The following MICU1 variants were observed in gnomAD, a reference collection of about 807,000 sequenced individuals.
The protein encoded by MICU1 is calcium uptake protein 1, mitochondrial.
Under a neutral mutation model 56.8 loss-of-function variants are expected in MICU1, and 45 were observed. The observed-to-expected ratio is 0.79, with a 90% CI of 0.62 to 1.02. The LOEUF is 1.02. Ranked by LOEUF, MICU1 falls within the 50% of genes least tolerant of loss-of-function variation. The probability of loss-of-function intolerance (pLI) is 0.00; values close to 1 mark genes in which losing one functional copy is unlikely to be tolerated. For missense variants in MICU1, 504 were observed against 587.1 expected, an observed-to-expected ratio of 0.86 and a Z score of 1.46; for synonymous variants, 186 against 195.1, an observed-to-expected ratio of 0.95 and a Z score of 0.39.
intron 4 of MICU1, among the ~76,000 whole-genome samples, chr10:72,540,267 C>CAAAAA (rs11287541): frequency 3.6e-4 from 31 of 85,284 alleles, no homozygotes; most frequent in East Asian, 6.0e-4. Flanking sequence ...AACTCCATCT[C>CAAAAA]AAAAAAAAAA....
At chr10:72,568,247 T>C (rs1840496114) in intron 1 of MICU1, among the ~76,000 whole-genome samples, 1 of 152,228 alleles carries the variant, frequency 6.6e-6, no homozygotes, top group Admixed American at 6.5e-5. Context: ...TTGTTTTAAA[T>C]CTGAAACATC....
chr10:72,489,970 A>G (rs1301081425), intron 6 of MICU1, among the ~76,000 whole-genome samples: 1 of 152,222 alleles, frequency 6.6e-6, no homozygotes, highest in African/African-American at 2.4e-5. Context: ...CATGAAACCA[A>G]TGATTGGTTC....
chr10:72,598,338 C>T (rs2132541550), intron 1 of MICU1, among the ~76,000 whole-genome samples: 1 of 152,114 alleles, frequency 6.6e-6, no homozygotes, highest in Non-Finnish European at 1.5e-5. Flanking sequence ...TCACTGCAAC[C>T]TCTGCCTCCT....
At chr10:72,601,353 G>A (rs979979693) in intron 1 of MICU1, among the ~76,000 whole-genome samples, 4 of 149,946 alleles carry the variant, frequency 2.7e-5, no homozygotes, top group African/African-American at 7.4e-5. Flanking sequence ...GAGTCCAGGA[G>A]GTCAAGGTTT....
chr10:72,379,544 T>C, intron 10 of MICU1: 4 of 431,394 alleles, frequency 9.3e-6, no homozygotes, highest in South Asian at 6.6e-5. Flanking sequence ...TCTTGATATT[T>C]CAAGTACTCA....
chr10:72,455,275 G>A (rs1001178878), intron 8 of MICU1, among the ~76,000 whole-genome samples: 7 of 150,204 alleles, frequency 4.7e-5, no homozygotes, highest in African/African-American at 1.2e-4. Context: ...GCTTGAACCC[G>A]GGAGGTGGAG....
intron 1 of MICU1, among the ~76,000 whole-genome samples, chr10:72,607,091 A>G (rs1169187415): frequency 6.6e-6 from 1 of 152,118 alleles, no homozygotes; most frequent in African/African-American, 2.4e-5. Flanking sequence ...CTGTAATCCC[A>G]ATAGTTTGGG....
At chr10:72,597,267 G>A (rs1368727448) in intron 1 of MICU1, among the ~76,000 whole-genome samples, 1 of 152,130 alleles carries the variant, frequency 6.6e-6, no homozygotes, top group Non-Finnish European at 1.5e-5. Flanking sequence ...AAAACAGTAC[G>A]AAATAGGTAA....
chr10:72,530,973 C>T (rs529213666), intron 5 of MICU1, among the ~76,000 whole-genome samples: 9 of 152,156 alleles, frequency 5.9e-5, no homozygotes, highest in African/African-American at 1.4e-4. Context: ...TTTAAAACAT[C>T]CCAGGAAAAT....
At chr10:72,416,283 C>T (rs1020607399) in intron 9 of MICU1, among the ~76,000 whole-genome samples, 1 of 152,114 alleles carries the variant, frequency 6.6e-6, no homozygotes, top group African/African-American at 2.4e-5. Context: ...GGGGGAAGTA[C>T]AGGTTTCAAA....
chr10:72,537,170 A>G (rs1839658091), intron 4 of MICU1, among the ~76,000 whole-genome samples: 1 of 152,208 alleles, frequency 6.6e-6, no homozygotes. Context: ...CATTATTTCA[A>G]GTTGAAAGAA....
chr10:72,559,604 T>C (rs1259843089), intron 3 of MICU1, among the ~76,000 whole-genome samples: 7 of 151,674 alleles, frequency 4.6e-5, no homozygotes, highest in East Asian at 3.9e-4. Flanking sequence ...GGTGGGAGGA[T>C]TGCTTGAGCT....
intron 1 of MICU1, among the ~76,000 whole-genome samples, chr10:72,615,913 C>T (rs575334157): frequency 5.7e-4 from 87 of 152,106 alleles, no homozygotes; most frequent in African/African-American, 2.0e-3. Flanking sequence ...GGCGTGAACC[C>T]GGGAGGCGGA....
Position 72,384,447 on chromosome 10 carries a change from G to C in MICU1, c.1181-8575C>G, listed in dbSNP as rs1159645162. On this transcript the variant is annotated intron_variant, in intron 10 of 11. Coordinates refer to ENST00000361114, the MANE Select transcript of MICU1 (RefSeq NM_001195518.2). ...CTTTTTCTGATCTTTTTCTCAGTGG[G>C]ATGTAATGTTGGCTGATTTTGTCTT... Among the ~76,000 whole-genome samples the C allele has an allele frequency of 5.9e-5, 9 of 152,180 alleles. No homozygotes were observed. In the East Asian group the frequency reaches 1.5e-3, roughly 26 times the overall value.
intron 1 of MICU1, among the ~76,000 whole-genome samples, chr10:72,586,455 ACCCTGACCAACATGGTGAAAC>A (rs1462572046): frequency 1.3e-5 from 2 of 152,086 alleles, no homozygotes. Flanking sequence ...GTTCAAGACC[ACCCTGACCAACATGGTGAAAC>A]CCCATCTCTA....
chr10:72,567,392 A>C (rs1840468186), intron 1 of MICU1, among the ~76,000 whole-genome samples: 1 of 152,196 alleles, frequency 6.6e-6, no homozygotes, highest in Non-Finnish European at 1.5e-5. Context: ...TCAGAAGTTA[A>C]AGAAATAGCA....
intron 1 of MICU1, among the ~76,000 whole-genome samples, chr10:72,583,282 ATTTT>A (rs71021510): frequency 2.1e-5 from 3 of 141,176 alleles, no homozygotes; most frequent in Admixed American, 7.1e-5. Flanking sequence ...GGCTGAATGC[ATTTT>A]TTTTTTTTTT....
At chr10:72,621,514 A>G (rs549632415) in intron 1 of MICU1, among the ~76,000 whole-genome samples, 52 of 152,206 alleles carry the variant, frequency 3.4e-4, no homozygotes, top group Admixed American at 2.4e-3. Flanking sequence ...ATAATAATAA[A>G]AAAATAAAGT....
intron 10 of MICU1, among the ~76,000 whole-genome samples, chr10:72,388,058 G>C (rs1770909137): frequency 6.6e-6 from 1 of 152,096 alleles, no homozygotes; most frequent in African/African-American, 2.4e-5. Flanking sequence ...ATTTGTTCAA[G>C]GTCACAAAAC....
Sources: allele counts gnomAD v4.1 joint callset (sites outside exome capture counted in the v4.1 genomes callset), GRCh38; gene constraint gnomAD v4.1.1; transcripts MANE v1.5; gene names NCBI Gene and HGNC (gene_info 2026-07-23, HGNC 2026-07-21).